Variants in TCOF1 observed in about 807,000 individuals in gnomAD.
The protein encoded by TCOF1 is treacle protein.
A neutral mutation model predicts 149.0 loss-of-function variants in TCOF1; 33 were observed. The observed-to-expected ratio is 0.22, with a 90% CI of 0.17 to 0.30. The LOEUF (loss-of-function observed/expected upper bound fraction) is 0.30, where lower values mean the gene tolerates loss of function less well. Ranked by LOEUF, TCOF1 falls within the 10% of genes least tolerant of loss-of-function variation. TCOF1 has a pLI of 1.00. For synonymous variants in TCOF1, 789 were observed against 738.8 expected (o/e 1.07, Z -1.10); for missense variants, 1,728 against 1,840.7 (o/e 0.94, Z 1.12).
intron 14 of TCOF1, among the ~76,000 whole-genome samples, chr5:150,377,649 C>T (rs1764125901): frequency 6.6e-6 from 1 of 151,988 alleles, no homozygotes; most frequent in Non-Finnish European, 1.5e-5. Flanking sequence ...CTCTAGAATT[C>T]CTCCATTGAG....
chr5:150,398,578 G>C, intron 25 of TCOF1, 127 bp downstream of exon 25: 1 of 1,434,060 alleles, frequency 7.0e-7, no homozygotes, highest in Non-Finnish European at 9.7e-7. Flanking sequence ...CAGGGGTTGT[G>C]ACACACCAGG....
intron 17 of TCOF1, chr5:150,380,033 C>G (rs1423487890): frequency 2.6e-6 from 1 of 388,468 alleles, no homozygotes; most frequent in African/African-American, 2.1e-5. Flanking sequence ...GATCATGCCA[C>G]TGCACTCCAG....
At chr5:150,397,153 CAAA>C (rs58246300) in intron 24 of TCOF1, among the ~76,000 whole-genome samples, 8 of 88,702 alleles carry the variant, frequency 9.0e-5, no homozygotes, top group Admixed American at 4.2e-4. Flanking sequence ...GCAAGACTGT[CAAA>C]AAAAAAAAAA....
At position 150,376,277 on chromosome 5, in the gene TCOF1, G is replaced by A. The variant is rs758813166; in HGVS notation, c.2089G>A (p.Glu697Lys). 1.9e-6 allele frequency: 3 copies of A among 1,614,170 alleles called. No homozygotes were observed. Among genetic ancestry groups the A allele is most frequent in the Non-Finnish European group, 2.5e-6 (3 of 1,180,014 alleles). ...ACCAGCAGAGGATTCTTCAAGCAGTGAGGAATCAGATAGTGAGGAAGAGAA... is the reference window on the plus strand; with the variant it reads ...ACCAGCAGAGGATTCTTCAAGCAGTAAGGAATCAGATAGTGAGGAAGAGAA... ...QRPAEDSSSS[E>K]ESDSEEEKTG... Residue 697 changes from glutamate to lysine, a missense_variant, in exon 13 of 27, where the codon GAG (glutamate) becomes AAG (lysine). By Grantham distance (56) the Glu-to-Lys change is moderately conservative (BLOSUM62 1). Coordinates refer to ENST00000643257, the MANE Select transcript of TCOF1 (RefSeq NM_001371623.1).
intron 2 of TCOF1, 84 bp from the exon 3 acceptor site, chr5:150,364,029 A>AGGATGCG: frequency 6.3e-7 from 1 of 1,599,790 alleles, no homozygotes; most frequent in Non-Finnish European, 8.6e-7. Context: ...AAGAGCTGGA[A>AGGATGCG]GGATGCGGGA....
At position 150,380,187 on chromosome 5, in the gene TCOF1, C is replaced by T. The variant is rs1274069925; in HGVS notation, c.2859+455C>T. On this transcript the variant is annotated intron_variant, in intron 17 of 26. Coordinates refer to ENST00000643257, the MANE Select transcript of TCOF1 (RefSeq NM_001371623.1). ...GCTCCAGTTCCACCATGCCCTCCTCCGTCTGCTGTCATCCACATCTCCTTA... is the reference window on the plus strand; with the variant it reads ...GCTCCAGTTCCACCATGCCCTCCTCTGTCTGCTGTCATCCACATCTCCTTA... 1.5e-5 allele frequency: 3 copies of T among 206,074 alleles called. No individual in the cohort carries two copies. The South Asian group carries it at 2.3e-4, about 16-fold the overall frequency. 12.8% of individuals were successfully genotyped at this position (206,074 alleles called of 1,614,324 possible).
At chr5:150,359,954 TG>T (rs1759654038) in intron 1 of TCOF1, among the ~76,000 whole-genome samples, 1 of 152,092 alleles carries the variant, frequency 6.6e-6, no homozygotes, top group African/African-American at 2.4e-5. Flanking sequence ...GGGAGTGAGC[TG>T]TGTAGTTAAC....
At chr5:150,395,147 G>A (rs1768198091) in intron 23 of TCOF1, among the ~76,000 whole-genome samples, 1 of 152,224 alleles carries the variant, frequency 6.6e-6, no homozygotes, top group Non-Finnish European at 1.5e-5. Context: ...AGAGCCAAAA[G>A]TCGCCAGAAA....
Position 150,379,546 on chromosome 5 carries a change from G to A in TCOF1, c.2673G>A (p.Gly891=), listed in dbSNP as rs1764576238. 1 of 1,614,188 alleles carries A rather than the reference G, an allele frequency of 6.2e-7. No individual in the cohort carries two copies. The highest frequency in any genetic ancestry group is 8.5e-7 in the Non-Finnish European group (1 of 1,180,018). Residue 891 remains glycine (G), a synonymous_variant, in exon 17 of 27, where the codon GGG becomes GGA. Transcript: ENST00000643257. Reference sequence around the variant, plus strand: ...TCTCCCTCCAGGTGAAGCCTTCAGGGAAGACCCACCAGATCAGAGCTGCCT... The same window carrying A: ...TCTCCCTCCAGGTGAAGCCTTCAGGAAAGACCCACCAGATCAGAGCTGCCT... The part of the protein sequence containing the change: ...AETLAQVKPS[G]KTHQIRAALA...
At chr5:150,379,811 C>T (rs984700474) in intron 17 of TCOF1, 79 bp downstream of exon 17, 200 of 1,533,462 alleles carry the variant, frequency 1.3e-4, no homozygotes, top group Admixed American at 1.7e-4. Flanking sequence ...GTGGCTCACA[C>T]CTGTAATCCT....
chr5:150,375,997 G>A (rs1763707632), intron 12 of TCOF1, 85 bp from the exon 13 acceptor site: 1 of 1,613,676 alleles, frequency 6.2e-7, no homozygotes, highest in Admixed American at 1.7e-5. Flanking sequence ...CTCAGGCAGA[G>A]CATGGGTTTT....
intron 6 of TCOF1, 103 bp downstream of exon 6, chr5:150,369,705 A>G (rs982158612): frequency 3.1e-6 from 4 of 1,297,198 alleles, no homozygotes; most frequent in Non-Finnish European, 4.4e-6. Flanking sequence ...GAGTTCAGCA[A>G]CTGTGGTAGG....
intron 23 of TCOF1, 44 bp from the exon 24 acceptor site, chr5:150,396,238 C>T (rs917859569): frequency 6.2e-7 from 1 of 1,605,024 alleles, no homozygotes. Context: ...AAGATCTGTC[C>T]CCCAACTCTC....
intron 19 of TCOF1, among the ~76,000 whole-genome samples, chr5:150,391,277 C>T (rs1211236663): frequency 6.6e-6 from 1 of 152,222 alleles, no homozygotes; most frequent in Non-Finnish European, 1.5e-5. Context: ...TGGGGGTCCA[C>T]CAGGTTGGAG....
At chr5:150,383,546 C>A (rs1765665051) in intron 17 of TCOF1, among the ~76,000 whole-genome samples, 1 of 152,214 alleles carries the variant, frequency 6.6e-6, no homozygotes. Context: ...AAGGTACTTG[C>A]CACAGTCCCC....
intron 8 of TCOF1, 50 bp downstream of exon 8, chr5:150,374,436 G>A: frequency 6.5e-7 from 1 of 1,550,126 alleles, no homozygotes; most frequent in Non-Finnish European, 8.7e-7. Context: ...TCCCCAGAAG[G>A]CCTTCTCAGG....
intron 7 of TCOF1, among the ~76,000 whole-genome samples, chr5:150,373,245 G>T (rs1762946583): frequency 2.0e-5 from 3 of 152,020 alleles, no homozygotes; most frequent in Admixed American, 6.6e-5. Flanking sequence ...TATAGACAGG[G>T]TTTCACTGTG....
rs1453779626 is a variant in TCOF1, at chr5:150,368,697, TC to T, written c.379-18del. 6.2e-7 allele frequency: 1 copy of T among 1,613,774 alleles called. No homozygotes were observed. Among genetic ancestry groups the T allele is most frequent in the Non-Finnish European group, 8.5e-7 (1 of 1,179,948 alleles). On this transcript the variant is annotated intron_variant, in intron 4 of 26. Coordinates refer to ENST00000643257, the MANE Select transcript of TCOF1 (RefSeq NM_001371623.1). ...CACCATGCCATACCAGATGTGTCTG[TC>T]ACTCTTGTTCTCTGTAGGCAGAGAC...
chr5:150,383,797 G>A (rs924312498), intron 17 of TCOF1: 1 of 1,551,740 alleles, frequency 6.4e-7, no homozygotes, highest in South Asian at 1.2e-5. Flanking sequence ...AAGCACCTGT[G>A]GCATACCTTC....
Sources: allele counts gnomAD v4.1 joint callset (sites outside exome capture counted in the v4.1 genomes callset), GRCh38; gene constraint gnomAD v4.1.1; transcripts MANE v1.5; gene names NCBI Gene and HGNC (gene_info 2026-07-23, HGNC 2026-07-21).